TULP4: variants seen among roughly 807,000 people sequenced by gnomAD.
TULP4 encodes tubby-related protein 4.
Under a neutral mutation model 129.0 loss-of-function variants are expected in TULP4, and 16 were observed. That is an observed-to-expected ratio of 0.12 (90% CI 0.08 to 0.19). The LOEUF (loss-of-function observed/expected upper bound fraction) is 0.19, where lower values mean the gene tolerates loss of function less well. Ranked by LOEUF, TULP4 falls within the 10% of genes least tolerant of loss-of-function variation. The pLI, the probability that TULP4 is intolerant of heterozygous loss-of-function variation, is 1.00. For missense variants in TULP4, 1,842 were observed against 2,059.1 expected, an observed-to-expected ratio of 0.89 and a Z score of 2.04; for synonymous variants, 998 against 854.0, an observed-to-expected ratio of 1.17 and a Z score of -2.94.
At chr6:158,281,527 T>C (rs969387816), upstream of TULP4, among the ~76,000 whole-genome samples, 1 of 152,114 alleles carries the variant, frequency 6.6e-6, no homozygotes, top group African/African-American at 2.4e-5. Flanking sequence ...GCCAGAAGGG[T>C]TGATGGGGGC....
intron 2 of TULP4, among the ~76,000 whole-genome samples, chr6:158,429,233 G>A (rs1778574126): frequency 6.6e-6 from 1 of 152,208 alleles, no homozygotes; most frequent in Non-Finnish European, 1.5e-5. Context: ...CTTCTTCCCA[G>A]GTTCAAGTGA....
chr6:158,243,403 ATGTG>A (rs1214419316), intron 1 of TULP4, among the ~76,000 whole-genome samples: 1 of 151,158 alleles, frequency 6.6e-6, no homozygotes, highest in Admixed American at 6.7e-5. Flanking sequence ...GTGTGTATGT[ATGTG>A]TGTGTATGGG....
intron 3 of TULP4, among the ~76,000 whole-genome samples, chr6:158,439,218 A>C (rs1025983990): frequency 6.6e-6 from 1 of 152,200 alleles, no homozygotes; most frequent in Non-Finnish European, 1.5e-5. Context: ...ATAAATATCA[A>C]CTAACACATA....
intron 1 of TULP4, among the ~76,000 whole-genome samples, chr6:158,401,999 G>A (rs1583838417): frequency 6.6e-6 from 1 of 152,098 alleles, no homozygotes; most frequent in African/African-American, 2.4e-5. Flanking sequence ...GTGCTGGAAA[G>A]GTCTTAGACA....
chr6:158,472,733 T>A (rs1221931908), intron 6 of TULP4, among the ~76,000 whole-genome samples: 1 of 152,204 alleles, frequency 6.6e-6, no homozygotes, highest in Non-Finnish European at 1.5e-5. Context: ...TACAAAACCA[T>A]TGCCTGGGAC....
At chr6:158,238,901 G>A (rs1368501544) in intron 1 of TULP4, among the ~76,000 whole-genome samples, 1 of 108,448 alleles carries the variant, frequency 9.2e-6, no homozygotes. Flanking sequence ...ATTCCACAAA[G>A]CCGCCATTGT....
intron 1 of TULP4, among the ~76,000 whole-genome samples, chr6:158,353,250 G>T (rs1780569995): frequency 6.6e-6 from 1 of 152,158 alleles, no homozygotes; most frequent in South Asian, 2.1e-4. Context: ...TATGAATTGG[G>T]CAGATGTCTC....
chr6:158,280,716 A>C (rs1287267072), upstream of TULP4, among the ~76,000 whole-genome samples: 3 of 152,262 alleles, frequency 2.0e-5, no homozygotes, highest in Non-Finnish European at 4.4e-5. Flanking sequence ...TGCAGAAGAA[A>C]GTCTCACATT....
intron 3 of TULP4, among the ~76,000 whole-genome samples, chr6:158,436,286 A>G (rs1037866038): frequency 1.3e-5 from 2 of 152,094 alleles, no homozygotes; most frequent in Non-Finnish European, 2.9e-5. Context: ...TCTATCTGAG[A>G]CTATTTATTT....
chr6:158,368,805 A>T (rs1438058468), intron 1 of TULP4, among the ~76,000 whole-genome samples: 1 of 152,238 alleles, frequency 6.6e-6, no homozygotes, highest in African/African-American at 2.4e-5. Context: ...ATACATAAAA[A>T]TTACATACAG....
rs535590058 is a variant in TULP4 at position 158,358,514 on chromosome 6, T to G, written c.252+44246T>G. Among the ~76,000 whole-genome samples the G allele has an allele frequency of 1.5e-4, 23 of 152,360 alleles. No homozygotes were observed. In the South Asian group the frequency reaches 4.8e-3, roughly 32 times the overall value. On this transcript the variant is annotated intron_variant, in intron 1 of 13. Coordinates refer to ENST00000367097, the MANE Select transcript of TULP4 (RefSeq NM_020245.5). Reference sequence around the variant, plus strand: ...GCAGTTAGCCCTTGAGGGTGAAGTATTTCTCAGTGTCACTGTGCATAACAG... The same window carrying G: ...GCAGTTAGCCCTTGAGGGTGAAGTAGTTCTCAGTGTCACTGTGCATAACAG...
At position 158,286,045 on chromosome 6, in the gene TULP4, G is replaced by A. The variant is rs149534940; in HGVS notation, n.116+3667G>A. Among the ~76,000 whole-genome samples, 567 of 152,288 alleles carry A rather than the reference G, an allele frequency of 3.7e-3. 4 individuals are homozygous for A. The highest frequency in any genetic ancestry group is 0.013 in the African/African-American group (540 of 41,550). On this transcript the variant is annotated intron_variant and non_coding_transcript_variant, in intron 1 of 1. Coordinates refer to the TULP4 transcript ENST00000432358. ...GATTTACTCATCATGATGTAAATTG[G>A]TGTTTTGTTTTCATTTTAGTTTAAC...
At chr6:158,400,994 A>G (rs968184994) in intron 1 of TULP4, among the ~76,000 whole-genome samples, 3 of 152,174 alleles carry the variant, frequency 2.0e-5, no homozygotes, top group African/African-American at 4.8e-5. Context: ...CTGGATTAAG[A>G]AGATAAAACC....
intron 11 of TULP4, among the ~76,000 whole-genome samples, 165 bp from the exon 12 acceptor site, chr6:158,498,504 T>G (rs1780378318): frequency 6.6e-6 from 1 of 152,214 alleles, no homozygotes; most frequent in African/African-American, 2.4e-5. Flanking sequence ...CATTGAGTAC[T>G]AGGGAGAAAT....
At chr6:158,439,015 C>CA (rs1243894649) in intron 3 of TULP4, among the ~76,000 whole-genome samples, 1 of 151,580 alleles carries the variant, frequency 6.6e-6, no homozygotes, top group Non-Finnish European at 1.5e-5. Context: ...ACTAAAGATA[C>CA]AAAAAATTAG....
At position 158,439,700 on chromosome 6, in the gene TULP4, C is replaced by CTTTTTTTTTTTTT. The variant is rs71030170; in HGVS notation, c.544-9279_544-9267dup. Among the ~76,000 whole-genome samples the CTTTTTTTTTTTTT allele has an allele frequency of 7.3e-5, 5 of 68,234 alleles. 2 individuals carry two copies. Among genetic ancestry groups the CTTTTTTTTTTTTT allele is most frequent in the Non-Finnish European group, 1.0e-4 (4 of 39,916 alleles). The allele number at this position is 68,234 out of a possible 152,430, so 44.8% of individuals were successfully genotyped here. The stretch of plus-strand genomic sequence containing the variant: ...CATGTAAGCTCTTGTACTAGAGTTT[C>CTTTTTTTTTTTTT]TTTTTTTTTTTTTTTTTTTTTTTTT... On this transcript the variant is annotated intron_variant, in intron 3 of 13. Coordinates refer to ENST00000367097, the MANE Select transcript of TULP4 (RefSeq NM_020245.5).
chr6:158,343,849 A>C (rs1247587973), intron 1 of TULP4, among the ~76,000 whole-genome samples: 1 of 152,254 alleles, frequency 6.6e-6, no homozygotes, highest in Non-Finnish European at 1.5e-5. Context: ...AGTGAAGTGC[A>C]TGGAGAAAAT....
intron 5 of TULP4, among the ~76,000 whole-genome samples, chr6:158,459,726 C>G (rs1218162482): frequency 6.6e-6 from 1 of 152,184 alleles, no homozygotes; most frequent in African/African-American, 2.4e-5. Flanking sequence ...ATCTTTATTT[C>G]TACAATATTA....
intron 6 of TULP4, among the ~76,000 whole-genome samples, chr6:158,467,560 C>T (rs1024807748): frequency 1.3e-5 from 2 of 152,194 alleles, no homozygotes; most frequent in African/African-American, 2.4e-5. Flanking sequence ...GGATTACAGG[C>T]GTGAGCCACC....
Sources: allele counts gnomAD v4.1 joint callset (sites outside exome capture counted in the v4.1 genomes callset), GRCh38; gene constraint gnomAD v4.1.1; transcripts MANE v1.5; gene names NCBI Gene and HGNC (gene_info 2026-07-23, HGNC 2026-07-21).